The following GLIS3 variants were observed in gnomAD, a reference collection of about 807,000 sequenced individuals.
The protein encoded by GLIS3 is zinc finger protein GLIS3.
A neutral mutation model predicts 78.6 loss-of-function variants in GLIS3; 53 were observed. The observed-to-expected ratio is 0.67, with a 90% CI of 0.54 to 0.85. The LOEUF is 0.85. GLIS3 is among the 40% of genes least tolerant of loss of function. The pLI is 0.00. For synonymous variants in GLIS3, 684 were observed against 509.9 expected (o/e 1.34, Z -4.60); for missense variants, 1,703 against 1,231.1 (o/e 1.38, Z -5.74).
intron 2 of GLIS3, among the ~76,000 whole-genome samples, chr9:4,127,755 C>A: frequency 6.7e-6 from 1 of 150,018 alleles, no homozygotes; most frequent in Non-Finnish European, 1.5e-5. Context: ...TTATTAAAAG[C>A]AACATCAATT....
intron 4 of GLIS3, among the ~76,000 whole-genome samples, chr9:4,106,243 C>G (rs1020557281): frequency 3.7e-4 from 56 of 152,174 alleles, no homozygotes; most frequent in African/African-American, 1.1e-3. Context: ...TTTCAGAGAA[C>G]AGGTAGAGTT....
At chr9:3,938,029 T>C (rs938785646) in intron 4 of GLIS3, among the ~76,000 whole-genome samples, 150 of 152,312 alleles carry the variant, frequency 9.8e-4, no homozygotes, top group African/African-American at 3.6e-3. Context: ...AAATATCAGC[T>C]ACTATTAATA....
At chr9:4,173,413 G>C (rs974245304) in intron 2 of GLIS3, among the ~76,000 whole-genome samples, 3 of 152,076 alleles carry the variant, frequency 2.0e-5, no homozygotes, top group African/African-American at 4.8e-5. Flanking sequence ...CGTGCCACGT[G>C]TGTCTTCTTA....
intron 2 of GLIS3, among the ~76,000 whole-genome samples, chr9:4,199,473 T>TATATAAGTTATATATAAGTTTATATG (rs1819165675): frequency 6.7e-6 from 1 of 149,290 alleles, no homozygotes; most frequent in East Asian, 1.9e-4. Flanking sequence ...TAAGTTTATA[T>TATATAAGTTATATATAAGTTTATATG]ATATAAGTTA....
chr9:4,450,905 G>A, the GLIS3 span, among the ~76,000 whole-genome samples: 1 of 152,182 alleles, frequency 6.6e-6, no homozygotes, highest in African/African-American at 2.4e-5. Context: ...GTGCCAAATT[G>A]TAAAGACCAT....
chr9:4,390,896 C>T, the GLIS3 span, among the ~76,000 whole-genome samples: 1 of 152,162 alleles, frequency 6.6e-6, no homozygotes, highest in African/African-American at 2.4e-5. Context: ...AGGAATCGTA[C>T]CTTTTTAAAA....
chr9:4,197,243 T>C (rs993888521), intron 2 of GLIS3, among the ~76,000 whole-genome samples: 2 of 151,516 alleles, frequency 1.3e-5, no homozygotes, highest in Middle Eastern at 3.3e-3. Context: ...ACCTTCCCTA[T>C]GCAGAGATGC....
chr9:4,381,259 TTAGGA>T, the GLIS3 span, among the ~76,000 whole-genome samples: 2 of 152,162 alleles, frequency 1.3e-5, no homozygotes, highest in African/African-American at 2.4e-5. Context: ...TAGAGGAATT[TTAGGA>T]TAGAAGATGA....
At chr9:4,184,688 T>C (rs1817615544) in intron 2 of GLIS3, among the ~76,000 whole-genome samples, 4 of 152,314 alleles carry the variant, frequency 2.6e-5, no homozygotes, top group Admixed American at 6.5e-5. Flanking sequence ...AGGGGAGATT[T>C]AGAGAGACTT....
At chr9:4,475,591 A>G in the GLIS3 span, among the ~76,000 whole-genome samples, 1 of 152,228 alleles carries the variant, frequency 6.6e-6, no homozygotes, top group African/African-American at 2.4e-5. Context: ...ATTTCTTTAT[A>G]ATAAACCTAC....
intron 2 of GLIS3, among the ~76,000 whole-genome samples, chr9:4,237,366 A>G (rs1291544246): frequency 2.0e-5 from 3 of 152,216 alleles, no homozygotes; most frequent in Non-Finnish European, 4.4e-5. Flanking sequence ...ACTTTACATT[A>G]ACTGGAAAAA....
intron 2 of GLIS3, among the ~76,000 whole-genome samples, chr9:4,166,405 G>A (rs1815841585): frequency 6.6e-6 from 1 of 152,116 alleles, no homozygotes; most frequent in Non-Finnish European, 1.5e-5. Context: ...AAGGCAGATG[G>A]GGGCCTCGAG....
At chr9:4,446,088 A>G in the GLIS3 span, among the ~76,000 whole-genome samples, 1 of 152,228 alleles carries the variant, frequency 6.6e-6, no homozygotes, top group Non-Finnish European at 1.5e-5. Flanking sequence ...TCTGAGGGTC[A>G]AAACCAGCCC....
At chr9:4,401,363 G>A in the GLIS3 span, among the ~76,000 whole-genome samples, 3 of 151,818 alleles carry the variant, frequency 2.0e-5, no homozygotes, top group South Asian at 2.1e-4. Flanking sequence ...ACGTTCAAGC[G>A]ATTCTCCTGC....
chr9:4,326,975 C>T (rs1002533069), intron 2 of GLIS3, among the ~76,000 whole-genome samples: 2 of 152,190 alleles, frequency 1.3e-5, no homozygotes, highest in African/African-American at 4.8e-5. Flanking sequence ...GTTGCCTGTG[C>T]TGACACTAGG....
At position 4,168,896 on chromosome 9, in the gene GLIS3, A is replaced by T. The variant is rs558996016; in HGVS notation, c.389-42955T>A. On this transcript the variant is annotated intron_variant, in intron 2 of 10. Transcript: ENST00000381971. ...TCAATCTGTTTAATCTAGATTCTGT[A>T]ACTGTTAGATAACGAGAAAATTTCA... Among the ~76,000 whole-genome samples, 111 of 152,354 alleles carry T rather than the reference A, an allele frequency of 7.3e-4. 1 individual carries two copies. Among genetic ancestry groups the T allele is most frequent in the Admixed American group, 2.4e-3 (37 of 15,296 alleles).
upstream of GLIS3, among the ~76,000 whole-genome samples, chr9:4,352,196 C>T (rs1387660725): frequency 6.6e-6 from 1 of 152,208 alleles, no homozygotes; most frequent in African/African-American, 2.4e-5. Context: ...TTGTATTAAA[C>T]TCTGCCAACA....
chr9:4,399,767 G>A, the GLIS3 span, among the ~76,000 whole-genome samples: 2 of 152,168 alleles, frequency 1.3e-5, no homozygotes, highest in Non-Finnish European at 2.9e-5. Flanking sequence ...TCAATGTGTG[G>A]GATGCTATGA....
At chr9:4,003,553 A>C (rs1390714936) in intron 4 of GLIS3, among the ~76,000 whole-genome samples, 1 of 152,214 alleles carries the variant, frequency 6.6e-6, no homozygotes, top group African/African-American at 2.4e-5. Context: ...GATGAGAATC[A>C]GGTTGACAGT....
Sources: gnomAD v4.1 joint callset for allele counts (sites outside exome capture counted in the v4.1 genomes callset) on GRCh38, gnomAD v4.1.1 for gene constraint, MANE v1.5 for transcripts, NCBI Gene and HGNC (gene_info 2026-07-23, HGNC 2026-07-21) for gene names.